TANC2: variants seen among roughly 807,000 people sequenced by gnomAD.
TANC2 encodes the protein protein TANC2.
In TANC2, 26 loss-of-function variants were observed where a neutral mutation model predicts 210.5. The observed-to-expected ratio is 0.12, with a 90% confidence interval of 0.09 to 0.17. TANC2 has a LOEUF of 0.17. Among genes scored for constraint, TANC2 ranks in the 10% least tolerant of loss-of-function variants. The pLI, the probability that TANC2 is intolerant of heterozygous loss-of-function variation, is 1.00. For missense variants in TANC2, 2,129 were observed against 2,608.9 expected (o/e 0.82, Z 4.01); for synonymous variants, 931 against 967.1 (o/e 0.96, Z 0.69).
intron 8 of TANC2, among the ~76,000 whole-genome samples, chr17:63,242,277 G>T (rs2042794953): frequency 6.6e-6 from 1 of 151,978 alleles, no homozygotes; most frequent in South Asian, 2.1e-4. Context: ...CAGTGTCTGT[G>T]AGGCTAATAC....
chr17:62,969,544 C>T (rs1047199306), intron 1 of TANC2, among the ~76,000 whole-genome samples: 7 of 152,172 alleles, frequency 4.6e-5, no homozygotes, highest in African/African-American at 1.4e-4. Context: ...GTGAACATTT[C>T]TCTTTAGGAA....
intron 2 of TANC2, among the ~76,000 whole-genome samples, chr17:63,010,039 C>A (rs1419289376): frequency 6.6e-6 from 1 of 151,954 alleles, no homozygotes; most frequent in Admixed American, 6.6e-5. Flanking sequence ...TTTTTTATAG[C>A]CATTAAAATA....
chr17:63,228,068 G>A (rs2145981109), intron 7 of TANC2, among the ~76,000 whole-genome samples: 2 of 151,922 alleles, frequency 1.3e-5, no homozygotes, highest in East Asian at 3.9e-4. Context: ...TCACTGTGTT[G>A]GCCAGGCTGG....
At chr17:63,052,941 A>G (rs1229375262) in intron 2 of TANC2, among the ~76,000 whole-genome samples, 1 of 152,226 alleles carries the variant, frequency 6.6e-6, no homozygotes, top group Non-Finnish European at 1.5e-5. Flanking sequence ...TTAAAAATGT[A>G]TAAACTATTC....
At position 62,966,379 on chromosome 17, in the gene TANC2, C is replaced by T. The variant is rs1202407699; in HGVS notation, c.-394C>T. ...CGAGCGCCCGGCCTAGGGCCGCTGGCGCTGCCCTCCCGCCGCCACCGCCCT... is the reference window on the plus strand; with the variant it reads ...CGAGCGCCCGGCCTAGGGCCGCTGGTGCTGCCCTCCCGCCGCCACCGCCCT... On this transcript the variant is annotated 5_prime_UTR_variant, in exon 1 of 28. Coordinates refer to ENST00000689528, the Ensembl canonical transcript of TANC2. The surrounding 1 kb of genome is among the most constrained non-coding windows in gnomAD (Gnocchi z 5.1). Among the ~76,000 whole-genome samples the T allele has an allele frequency of 1.4e-5, 2 of 147,354 alleles. No individual in the cohort carries two copies. Among genetic ancestry groups the T allele is most frequent in the African/African-American group, 2.4e-5 (1 of 40,958 alleles).
intron 4 of TANC2, among the ~76,000 whole-genome samples, chr17:63,128,039 T>G (rs528248697): frequency 6.6e-6 from 1 of 152,296 alleles, no homozygotes; most frequent in South Asian, 2.1e-4. Flanking sequence ...CCCATTGTAC[T>G]TCTTATTATG....
chr17:63,024,359 A>G (rs779852002), intron 2 of TANC2, among the ~76,000 whole-genome samples: 3 of 152,152 alleles, frequency 2.0e-5, no homozygotes, highest in Non-Finnish European at 4.4e-5. Flanking sequence ...TTTAGACCAT[A>G]TAGGGTAACA....
chr17:63,012,520 AC>A, intron 2 of TANC2, among the ~76,000 whole-genome samples: 1 of 152,060 alleles, frequency 6.6e-6, no homozygotes, highest in Middle Eastern at 3.4e-3. Context: ...CCTCCACAAG[AC>A]ATTACTGTTC....
intron 13 of TANC2, among the ~76,000 whole-genome samples, chr17:63,352,252 T>C (rs2046634157): frequency 6.6e-6 from 1 of 152,140 alleles, no homozygotes; most frequent in African/African-American, 2.4e-5. Flanking sequence ...TTGTCATAAG[T>C]GCTGATGTAC....
At chr17:63,401,458 C>A (rs2048341423) in intron 19 of TANC2, among the ~76,000 whole-genome samples, 1 of 152,180 alleles carries the variant, frequency 6.6e-6, no homozygotes, top group Non-Finnish European at 1.5e-5. Flanking sequence ...ATCACATTAA[C>A]TGTAAGATGC....
At chr17:63,186,478 G>A (rs529528861) in intron 5 of TANC2, among the ~76,000 whole-genome samples, 4 of 150,800 alleles carry the variant, frequency 2.7e-5, no homozygotes, top group African/African-American at 7.3e-5. Flanking sequence ...CCAGCCTCCC[G>A]AGTAGCTGGG....
intron 1 of TANC2, among the ~76,000 whole-genome samples, chr17:62,977,807 G>C (rs1408593101): frequency 6.6e-6 from 1 of 151,988 alleles, no homozygotes; most frequent in Non-Finnish European, 1.5e-5. Flanking sequence ...CCCTTCTCTA[G>C]TTATATTCCT....
At chr17:63,019,318 A>G (rs920936082) in intron 2 of TANC2, among the ~76,000 whole-genome samples, 11 of 150,976 alleles carry the variant, frequency 7.3e-5, no homozygotes, top group African/African-American at 2.7e-4. Context: ...CCTGGGTTCA[A>G]ACAATTCTTA....
intron 8 of TANC2, among the ~76,000 whole-genome samples, chr17:63,262,609 T>G (rs1320771356): frequency 6.6e-6 from 1 of 150,912 alleles, no homozygotes; most frequent in East Asian, 1.9e-4. Context: ...TCTTGATGGG[T>G]CTGAATCCCT....
intron 14 of TANC2, among the ~76,000 whole-genome samples, chr17:63,362,366 A>T (rs2046990857): frequency 6.6e-6 from 1 of 152,132 alleles, no homozygotes; most frequent in Non-Finnish European, 1.5e-5. Context: ...CATGGACTCC[A>T]CCCAGAACTG....
chr17:63,408,319 T>C (rs1391117508), intron 21 of TANC2, among the ~76,000 whole-genome samples: 3 of 152,228 alleles, frequency 2.0e-5, no homozygotes. Flanking sequence ...AATTGTGATT[T>C]CATTAACTGC....
chr17:63,002,555 T>C (rs1337098319), intron 1 of TANC2, among the ~76,000 whole-genome samples: 1 of 152,200 alleles, frequency 6.6e-6, no homozygotes. Flanking sequence ...ATTTTAGCAT[T>C]TGTTTACATT....
rs775839264 is a variant in TANC2 at position 63,413,559 on chromosome 17, G to A, written c.3945G>A (p.Ala1315=). ...ACACTACAGGTCCAGCCACATGGGC[G>A]ATGGCCACCTCCAAGCCAGACATCA... Residue 1315 remains alanine (A), a synonymous_variant, in exon 25 of 28, where the codon GCG becomes GCA. Coordinates refer to ENST00000689528, the Ensembl canonical transcript of TANC2. The A allele has an allele frequency of 2.3e-5, 36 of 1,597,832 alleles. No individual in the cohort carries two copies. The Admixed American group carries it at 4.7e-4, about 21-fold the overall frequency.
At chr17:63,406,166 T>C (rs61737624) in exon 21 of TANC2, 55,118 of 1,613,820 alleles carry the variant, frequency 0.034, 1,114 homozygotes, top group Non-Finnish European at 0.041. Flanking sequence ...TGTTGATCTT[T>C]TACTCACCCA....
Sources: allele counts gnomAD v4.1 joint callset (sites outside exome capture counted in the v4.1 genomes callset), GRCh38; gene constraint gnomAD v4.1.1; non-coding constraint Gnocchi (gnomAD v3.1); transcripts MANE v1.5; gene names NCBI Gene and HGNC (gene_info 2026-07-23, HGNC 2026-07-21).